The following NDST3 variants were observed in gnomAD, a reference collection of about 807,000 sequenced individuals.
The protein encoded by NDST3 is N-deacetylase and N-sulfotransferase 3.
In NDST3, 58 loss-of-function variants were observed where a neutral mutation model predicts 96.1. The ratio of observed to expected loss-of-function variants is 0.60; its 90% CI spans 0.49 to 0.75. The LOEUF is 0.75. Among genes scored for constraint, NDST3 ranks in the 30% least tolerant of loss-of-function variants. The pLI, the probability that NDST3 is intolerant of heterozygous loss-of-function variation, is 0.00. For missense variants in NDST3, 788 were observed against 1,034.2 expected (o/e 0.76, Z 3.27); for synonymous variants, 333 against 359.7 (o/e 0.93, Z 0.84).
chr4:118,065,049 A>C (rs557557969), intron 2 of NDST3, among the ~76,000 whole-genome samples: 1 of 152,222 alleles, frequency 6.6e-6, no homozygotes, highest in Admixed American at 6.6e-5. Flanking sequence ...TAATCTCCCC[A>C]TATCAAAGTC....
At chr4:118,214,247 G>C (rs10018844) in intron 6 of NDST3, among the ~76,000 whole-genome samples, 25,780 of 151,918 alleles carry the variant, frequency 0.17, 2,335 homozygotes, top group South Asian at 0.23. Context: ...AAGAAGGTAG[G>C]GGCATTATCA....
At position 118,238,211 on chromosome 4, in the gene NDST3, GAAAGAAAGAAAGAAAA is replaced by G. The variant is rs1218653985; in HGVS notation, c.2118+993_2118+1008del. Among the ~76,000 whole-genome samples, 697 of 123,220 alleles carry G rather than the reference GAAAGAAAGAAAGAAAA, an allele frequency of 5.7e-3. 3 individuals are homozygous for G. Among genetic ancestry groups the G allele is most frequent in the African/African-American group, 9.3e-3 (284 of 30,682 alleles). The allele number at this position is 123,220 out of a possible 152,430, so 80.8% of individuals were successfully genotyped here. ...AGAAAGAAAGAAAGAAAGAAAGAAA[GAAAGAAAGAAAGAAAA>G]AGAAAGAAGAAAAAAAGAAAGAAAA... is the stretch of plus-strand genomic sequence containing the variant. On this transcript the variant is annotated intron_variant, in intron 10 of 13. Transcript: ENST00000296499.
chr4:118,140,756 A>G (rs530642320), intron 5 of NDST3, among the ~76,000 whole-genome samples: 42 of 152,312 alleles, frequency 2.8e-4, no homozygotes, highest in African/African-American at 9.6e-4. Context: ...AGCCCCTTAT[A>G]AAATCATCAG....
intron 6 of NDST3, among the ~76,000 whole-genome samples, chr4:118,189,541 G>A (rs1038320614): frequency 1.2e-4 from 18 of 152,006 alleles, no homozygotes; most frequent in African/African-American, 4.1e-4. Context: ...TATGTCAAAG[G>A]TTTAAAATAC....
chr4:118,046,443 C>A (rs1362760875), intron 1 of NDST3, among the ~76,000 whole-genome samples: 3 of 152,210 alleles, frequency 2.0e-5, no homozygotes, highest in Admixed American at 2.0e-4. Context: ...GACCACTAGG[C>A]CAGAAGAAAG....
intron 3 of NDST3, among the ~76,000 whole-genome samples, chr4:118,110,699 G>C (rs1008457784): frequency 6.6e-6 from 1 of 152,088 alleles, no homozygotes; most frequent in Non-Finnish European, 1.5e-5. Flanking sequence ...TTTCAGCATA[G>C]TTTTGTGATA....
At chr4:118,185,043 A>C (rs1736852587) in intron 6 of NDST3, among the ~76,000 whole-genome samples, 1 of 152,226 alleles carries the variant, frequency 6.6e-6, no homozygotes, top group African/African-American at 2.4e-5. Flanking sequence ...ATATCCTATT[A>C]GTTTCTTATA....
Position 118,240,702 on chromosome 4 carries a change from G to A in NDST3, c.2289+8G>A, listed in dbSNP as rs370866765. 5 of 1,610,876 alleles carry A rather than the reference G, an allele frequency of 3.1e-6. No individual in the cohort carries two copies. The African/African-American group carries it at 6.7e-5, about 22-fold the overall frequency. ...TATTTCCCCCCATTTCAGGTATGGA[G>A]TAATAAGGATTTACATCATGTTAGA... On this transcript the variant is annotated splice_region_variant and intron_variant, in intron 11 of 13. Transcript: ENST00000296499.
Position 118,054,043 on chromosome 4 carries a change from G to C in NDST3, c.133G>C (p.Glu45Gln), listed in dbSNP as rs779490042. The C allele has an allele frequency of 1.9e-6, 3 of 1,612,880 alleles. No homozygotes were observed. Among genetic ancestry groups the C allele is most frequent in the Non-Finnish European group, 2.5e-6 (3 of 1,179,246 alleles). Reference sequence around the variant, plus strand: ...CTACAAACAGGAAAATGAACTCTCTGAGACGGCTTCAGAAGTTGACTGTGG... The same window carrying C: ...CTACAAACAGGAAAATGAACTCTCTCAGACGGCTTCAGAAGTTGACTGTGG... ...SGYKQENELSETASEVDCGDL... is the reference protein window; with the variant it reads ...SGYKQENELSQTASEVDCGDL... Residue 45 changes from glutamate to glutamine, a missense_variant, in exon 2 of 14, where the codon GAG (glutamate) becomes CAG (glutamine). Physicochemically the swap from Glu to Gln is conservative, Grantham distance 29 (BLOSUM62 2). Transcript: ENST00000296499.
At position 118,112,071 on chromosome 4, in the gene NDST3, C is replaced by T. The variant is rs533542070; in HGVS notation, c.1070-2735C>T. Among the ~76,000 whole-genome samples, 36 of 151,672 alleles carry T rather than the reference C, an allele frequency of 2.4e-4. No homozygotes were observed. In the South Asian group the frequency reaches 7.3e-3, roughly 31 times the overall value. On this transcript the variant is annotated intron_variant, in intron 3 of 13. Transcript: ENST00000296499. ...TAGGATTAAAAGAAATCAGATAAGA[C>T]AAATCTATAAAGAGAAGACATAAAA...
At chr4:118,072,023 A>C (rs1727119920) in intron 2 of NDST3, among the ~76,000 whole-genome samples, 1 of 151,952 alleles carries the variant, frequency 6.6e-6, no homozygotes, top group Non-Finnish European at 1.5e-5. Context: ...TTTTTATATG[A>C]AGATCAGATG....
At chr4:118,224,036 T>A (rs913673737) in intron 6 of NDST3, among the ~76,000 whole-genome samples, 1 of 152,178 alleles carries the variant, frequency 6.6e-6, no homozygotes, top group Non-Finnish European at 1.5e-5. Flanking sequence ...TGTCTTTCAA[T>A]GCATGGATTC....
intron 6 of NDST3, chr4:118,194,014 C>G (rs1396928592): frequency 8.1e-7 from 1 of 1,228,714 alleles, no homozygotes; most frequent in East Asian, 2.3e-5. Flanking sequence ...CCCAAGACTC[C>G]TTGGTCTTTT....
chr4:118,143,753 G>A, intron 6 of NDST3, 69 bp downstream of exon 6: 1 of 1,500,760 alleles, frequency 6.7e-7, no homozygotes, highest in Admixed American at 2.4e-5. Context: ...CTGGCAAAGA[G>A]GCTAGGGATT....
chr4:118,247,367 C>T (rs551822411), intron 12 of NDST3, among the ~76,000 whole-genome samples: 3 of 152,128 alleles, frequency 2.0e-5, no homozygotes, highest in Admixed American at 6.5e-5. Context: ...GCTTGGCCAA[C>T]GTGGTGAAAC....
intron 12 of NDST3, among the ~76,000 whole-genome samples, chr4:118,246,723 C>T (rs1741336279): frequency 6.6e-6 from 1 of 152,162 alleles, no homozygotes; most frequent in Non-Finnish European, 1.5e-5. Context: ...CACAAGGAGG[C>T]AGAAGAGAGA....
At chr4:118,182,983 G>A (rs894441087) in intron 6 of NDST3, among the ~76,000 whole-genome samples, 2 of 152,116 alleles carry the variant, frequency 1.3e-5, no homozygotes, top group Non-Finnish European at 1.5e-5. Flanking sequence ...ATCTCTGCAA[G>A]GGAAGGGATC....
intron 4 of NDST3, among the ~76,000 whole-genome samples, chr4:118,125,962 T>TA (rs1206048373): frequency 6.6e-6 from 1 of 152,030 alleles, no homozygotes; most frequent in Admixed American, 6.6e-5. Flanking sequence ...CAACTTTACA[T>TA]ATATTGGGCC....
At chr4:118,237,020 T>G (rs147207220) in intron 9 of NDST3, 26 bp from the exon 10 acceptor site, 1 of 1,538,666 alleles carries the variant, frequency 6.5e-7, no homozygotes, top group East Asian at 2.3e-5. Context: ...CAGAATCTTA[T>G]TTTGAGAAAA....
Sources: gnomAD v4.1 joint callset for allele counts (sites outside exome capture counted in the v4.1 genomes callset) on GRCh38, gnomAD v4.1.1 for gene constraint, MANE v1.5 for transcripts, NCBI Gene and HGNC (gene_info 2026-07-23, HGNC 2026-07-21) for gene names.